LMF1: variants seen among roughly 807,000 people sequenced by gnomAD.
LMF1 encodes lipase maturation factor 1.
Under a neutral mutation model 60.6 loss-of-function variants are expected in LMF1, and 68 were observed. That is an observed-to-expected ratio of 1.12 (90% CI 0.92 to 1.37). The LOEUF (loss-of-function observed/expected upper bound fraction) is 1.37, where lower values mean the gene tolerates loss of function less well. Among genes scored for constraint, LMF1 ranks in the 40% most tolerant of loss-of-function variants. The pLI, the probability that LMF1 is intolerant of heterozygous loss-of-function variation, is 0.00. For synonymous variants in LMF1, 418 were observed against 324.7 expected (o/e 1.29, Z -3.09); for missense variants, 948 against 767.2 (o/e 1.24, Z -2.78).
intron 1 of LMF1, among the ~76,000 whole-genome samples, chr16:966,077 T>A (rs2072916584): frequency 1.3e-5 from 2 of 151,906 alleles, no homozygotes; most frequent in Non-Finnish European, 2.9e-5. Context: ...GAGGGCTAAG[T>A]CTGAAGGCCA....
intron 1 of LMF1, chr16:977,212 C>A (rs777316089): frequency 2.4e-6 from 1 of 414,548 alleles, no homozygotes; most frequent in African/African-American, 2.1e-5. Context: ...AACAGGCCAG[C>A]CTTGACCCAA....
intron 1 of LMF1, chr16:979,981 G>C: frequency 2.9e-6 from 1 of 346,676 alleles, no homozygotes; most frequent in East Asian, 7.7e-5. Flanking sequence ...ACGGAGGTGT[G>C]GGTCTTCCCA....
chr16:910,725 G>A lies in LMF1; in HGVS notation c.663+206C>T, dbSNP rs742036. Among the ~76,000 whole-genome samples, 77,028 of 151,942 alleles carry A rather than the reference G, an allele frequency of 0.51. 22,318 individuals are homozygous for A. The highest frequency in any genetic ancestry group is 0.8 in the African/African-American group (33,065 of 41,444). On this transcript the variant is annotated intron_variant, in intron 4 of 10. Coordinates refer to ENST00000262301, the MANE Select transcript of LMF1 (RefSeq NM_022773.4). ...TCTGTCCCAGAAACAGGGATCATGA[G>A]CATGCCCGGGAAAAGCCAGCCGGTC...
rs566780410 is a variant in LMF1 at position 877,190 on chromosome 16, C to T, written c.897+2380G>A. On this transcript the variant is annotated intron_variant, in intron 6 of 10. Coordinates refer to ENST00000262301, the MANE Select transcript of LMF1 (RefSeq NM_022773.4). ...CTACAAAAAATGAAAAATAGCTCGG[C>T]GTGGTGGCACCTGTAGTCCCGGCTA... Among the ~76,000 whole-genome samples the T allele has an allele frequency of 1.2e-3, 188 of 152,268 alleles. 1 individual carries two copies. Among genetic ancestry groups the T allele is most frequent in the African/African-American group, 3.9e-3 (163 of 41,538 alleles).
At chr16:920,636 T>C (rs976980845) in intron 3 of LMF1, among the ~76,000 whole-genome samples, 4 of 152,200 alleles carry the variant, frequency 2.6e-5, no homozygotes, top group African/African-American at 2.4e-5. Flanking sequence ...CTGATGTCCA[T>C]GTCCGTGGAG....
rs564478935 is a variant in LMF1 at position 857,413 on chromosome 16, C to T, written c.1530-2707G>A. ...GGGTTGTTGCTACTTTTATTCCAGC[C>T]GTTTTGATGGGTGTGCAGTGGTGTC... On this transcript the variant is annotated intron_variant, in intron 10 of 10. Coordinates refer to ENST00000262301, the MANE Select transcript of LMF1 (RefSeq NM_022773.4). 3.9e-5 allele frequency among the ~76,000 whole-genome samples: 6 copies of T among 152,072 alleles called. 1 individual carries two copies. In the South Asian group the frequency reaches 1.0e-3, roughly 26 times the overall value.
rs747758898 is a variant in LMF1 at position 878,996 on chromosome 16, G to A, written c.897+574C>T. ...CTGGCCCAGCCCCCCTGGAGGCAGC[G>A]TGGGGGTGCTCTGTCCTTCGAGGCG... On this transcript the variant is annotated intron_variant, in intron 6 of 10. Transcript: ENST00000262301. This position sits in a 1 kb window ranked among gnomAD's most constrained non-coding sequence, Gnocchi z 5.2. 8.5e-5 allele frequency among the ~76,000 whole-genome samples: 13 copies of A among 152,146 alleles called. 1 individual carries two copies. Among genetic ancestry groups the A allele is most frequent in the South Asian group, 2.1e-4 (1 of 4,828 alleles).
chr16:896,246 C>G (rs1339239436), intron 4 of LMF1, among the ~76,000 whole-genome samples: 1 of 149,360 alleles, frequency 6.7e-6, no homozygotes, highest in Non-Finnish European at 1.5e-5. Context: ...GCAGGCTGCA[C>G]GGTCCACACA....
chr16:902,590 C>T (rs2070845426), intron 4 of LMF1: 1 of 172,264 alleles, frequency 5.8e-6, no homozygotes, highest in African/African-American at 2.6e-5. Context: ...TCTGCACTGC[C>T]TGTGGGGACG....
intron 4 of LMF1, among the ~76,000 whole-genome samples, chr16:909,534 C>A (rs2071053818): frequency 6.6e-6 from 1 of 152,048 alleles, no homozygotes; most frequent in South Asian, 2.1e-4. Context: ...CACGCTATAC[C>A]AAGCCACGCT....
rs184807018 is a variant in LMF1, at chr16:962,995, C to T, written c.193+7793G>A. Among the ~76,000 whole-genome samples, 697 of 152,072 alleles carry T rather than the reference C, an allele frequency of 4.6e-3. 32 individuals carry two copies. The highest frequency in any genetic ancestry group is 0.041 in the Admixed American group (625 of 15,274). Reference sequence around the variant, plus strand: ...GGGCTGGTGACCTCTAAAGGGGCTGCGACGGCAGGTGGGTGGGGGCAGCTC... The same window carrying T: ...GGGCTGGTGACCTCTAAAGGGGCTGTGACGGCAGGTGGGTGGGGGCAGCTC... On this transcript the variant is annotated intron_variant, in intron 1 of 10. Coordinates refer to ENST00000262301, the MANE Select transcript of LMF1 (RefSeq NM_022773.4). The surrounding 1 kb of genome is among the most constrained non-coding windows in gnomAD (Gnocchi z 4.5).
At chr16:934,187 T>C (rs141720775) in intron 3 of LMF1, 57 bp downstream of exon 3, 174 of 1,599,016 alleles carry the variant, frequency 1.1e-4, no homozygotes, top group Non-Finnish European at 1.4e-4. Flanking sequence ...TGAAGATACA[T>C]ACCAAACACA....
chr16:909,828 G>A (rs1279563892), intron 4 of LMF1, among the ~76,000 whole-genome samples: 2 of 152,222 alleles, frequency 1.3e-5, no homozygotes. Context: ...AGGCCAGGGA[G>A]AGAAGAGGAA....
chr16:860,715 G>T (rs934226654), intron 10 of LMF1, among the ~76,000 whole-genome samples: 2 of 152,210 alleles, frequency 1.3e-5, no homozygotes, highest in East Asian at 3.9e-4. Context: ...GGGGTGAGAC[G>T]TGGGTCGAAG....
chr16:881,046 C>T (rs1487035900), intron 5 of LMF1, among the ~76,000 whole-genome samples: 2 of 152,204 alleles, frequency 1.3e-5, no homozygotes, highest in African/African-American at 2.4e-5. Context: ...CTTCAGAATC[C>T]GCACCCAGGT....
chr16:882,944 T>C (rs931902351), intron 5 of LMF1, among the ~76,000 whole-genome samples: 8 of 144,488 alleles, frequency 5.5e-5, no homozygotes, highest in Non-Finnish European at 1.2e-4. Context: ...GCAGAGCCCA[T>C]CACAGGACCA....
intron 10 of LMF1, among the ~76,000 whole-genome samples, chr16:868,293 G>T (rs2069669771): frequency 6.6e-6 from 1 of 152,020 alleles, no homozygotes; most frequent in Non-Finnish European, 1.5e-5. Context: ...GAAGGCCCCA[G>T]CTCTCCCCAA....
chr16:871,003 A>G, intron 7 of LMF1, 121 bp from the exon 8 acceptor site: 1 of 1,412,054 alleles, frequency 7.1e-7, no homozygotes, highest in African/African-American at 1.4e-5. Context: ...ACGGAGCAGC[A>G]CCCGAACTCA....
intron 4 of LMF1, 100 bp downstream of exon 4, chr16:910,831 G>T (rs1215237442): frequency 1.4e-6 from 2 of 1,473,048 alleles, no homozygotes; most frequent in Middle Eastern, 2.4e-4. Context: ...GACAGAGGGC[G>T]GCGGGGGAGG....
Sources: allele counts gnomAD v4.1 joint callset (sites outside exome capture counted in the v4.1 genomes callset), GRCh38; gene constraint gnomAD v4.1.1; non-coding constraint Gnocchi (gnomAD v3.1); transcripts MANE v1.5; gene names NCBI Gene and HGNC (gene_info 2026-07-23, HGNC 2026-07-21).